UGT1A10: variants seen among roughly 807,000 people sequenced by gnomAD.
UGT1A10 encodes UDP glucuronosyltransferase family 1 member A10.
In UGT1A10, 49 loss-of-function variants were observed where a neutral mutation model predicts 45.8. That is an observed-to-expected ratio of 1.07 (90% confidence interval 0.85 to 1.36). The LOEUF (loss-of-function observed/expected upper bound fraction) is 1.36, where lower values mean the gene tolerates loss of function less well. Ranked by LOEUF, UGT1A10 falls within the 40% of genes most tolerant of loss-of-function variation. UGT1A10 has a pLI of 0.00. For missense variants in UGT1A10, 745 were observed against 668.6 expected, an observed-to-expected ratio of 1.11 and a Z score of -1.26; for synonymous variants, 284 against 249.7, an observed-to-expected ratio of 1.14 and a Z score of -1.29.
chr2:233,690,420 A>C (rs1433284612), intron 1 of UGT1A10: 1 of 1,233,876 alleles, frequency 8.1e-7, no homozygotes, highest in African/African-American at 1.6e-5. Flanking sequence ...AATTACCTTC[A>C]TGCACATCTT....
At chr2:233,701,460 C>A (rs1437947511) in intron 1 of UGT1A10, among the ~76,000 whole-genome samples, 1 of 151,910 alleles carries the variant, frequency 6.6e-6, no homozygotes, top group Admixed American at 6.6e-5. Context: ...ACAAGGATAC[C>A]CAGGAATTGA....
chr2:233,717,741 G>A (rs1450778461), intron 1 of UGT1A10: 3 of 456,402 alleles, frequency 6.6e-6, no homozygotes, highest in African/African-American at 6.0e-5. Flanking sequence ...TGAGTGCTCA[G>A]GGTCTCCCCC....
Position 233,768,428 on chromosome 2 carries a change from C to T in UGT1A10, c.1284C>T (p.Ile428=), listed in dbSNP as rs1559415864. The T allele has an allele frequency of 6.2e-7, 1 of 1,613,856 alleles. No homozygotes were observed. Among genetic ancestry groups the T allele is most frequent in the Non-Finnish European group, 8.5e-7 (1 of 1,179,916 alleles). ...TAGAAAATGCTCTAAAAGCAGTCATCAATGACAAAAGGTAAGAAAGAAGAT... is the reference window on the plus strand; with the variant it reads ...TAGAAAATGCTCTAAAAGCAGTCATTAATGACAAAAGGTAAGAAAGAAGAT... ...EDLENALKAV[I]NDKSYKENIM... is the part of the protein sequence containing the mutation. The change falls in exon 4 of 5, where the codon ATC becomes ATT. Residue 428 remains isoleucine, a synonymous_variant. Coordinates refer to ENST00000344644, the MANE Select transcript of UGT1A10 (RefSeq NM_019075.4).
chr2:233,721,852 T>C (rs2076975990), intron 1 of UGT1A10: 1 of 513,872 alleles, frequency 1.9e-6, no homozygotes, highest in African/African-American at 1.9e-5. Flanking sequence ...CCAGCCCCAC[T>C]GCTCGGCCCT....
At position 233,720,736 on chromosome 2, in the gene UGT1A10, C is replaced by T. The variant is rs186867201; in HGVS notation, c.856-46298C>T. 4.2e-3 allele frequency among the ~76,000 whole-genome samples: 630 copies of T among 148,874 alleles called. 11 individuals are homozygous for T. Among genetic ancestry groups the T allele is most frequent in the African/African-American group, 0.015 (595 of 40,300 alleles). ...TTTTTTTTTTCTTGAGACTGAGCCT[C>T]GTTCTGTCGCCCAGGCTGGAGGGCA... is the stretch of plus-strand genomic sequence containing the variant. On this transcript the variant is annotated intron_variant, in intron 1 of 4. Transcript: ENST00000344644.
chr2:233,726,536 A>G (rs956435699), intron 1 of UGT1A10, among the ~76,000 whole-genome samples: 1 of 152,196 alleles, frequency 6.6e-6, no homozygotes, highest in African/African-American at 2.4e-5. Flanking sequence ...AGGGAGATGC[A>G]GTGCAGCGTC....
rs757417206 is a variant in UGT1A10, at chr2:233,772,349, T to C, written c.1383T>C (p.Phe461=). Residue 461 remains phenylalanine (F), a synonymous_variant, in exon 5 of 5, where the codon TTT becomes TTC. Coordinates refer to ENST00000344644, the MANE Select transcript of UGT1A10 (RefSeq NM_019075.4). ...ACCTGGCCGTGTTCTGGGTGGAGTT[T>C]GTGATGAGGCACAAGGGCGCGCCAC... ...PLDLAVFWVE[F]VMRHKGAPHL... is the part of the protein sequence containing the mutation. 2 of 1,614,272 alleles carry C rather than the reference T, an allele frequency of 1.2e-6. No individual in the cohort carries two copies. The highest frequency in any genetic ancestry group is 1.7e-5 in the Admixed American group (1 of 60,034).
intron 1 of UGT1A10, among the ~76,000 whole-genome samples, chr2:233,758,781 G>C (rs1359978174): frequency 6.6e-6 from 1 of 152,186 alleles, no homozygotes; most frequent in African/African-American, 2.4e-5. Context: ...GTTGGGATCT[G>C]TGCAGTTATC....
chr2:233,637,375 A>AGACTCAGAGTC lies in UGT1A10; in HGVS notation c.853_854insGACTCAGAGTC (p.Met285ArgfsTer82), dbSNP rs1559318920. The stretch of plus-strand genomic sequence containing the variant: ...CTGTCATCAGGGAAAGCCATTGCCT[A>AGACTCAGAGTC]TGGTAAGTCACCTCTCCTTTAGCAC... On this transcript the variant is annotated frameshift_variant and splice_region_variant, in exon 1 of 5. Coordinates refer to ENST00000344644, the MANE Select transcript of UGT1A10 (RefSeq NM_019075.4). LOFTEE classifies it high-confidence loss of function. 5 of 1,611,812 alleles carry AGACTCAGAGTC rather than the reference A, an allele frequency of 3.1e-6. No individual in the cohort carries two copies. The African/African-American group carries it at 6.7e-5, about 22-fold the overall frequency.
At chr2:233,681,272 G>A (rs1186319334) in intron 1 of UGT1A10, among the ~76,000 whole-genome samples, 5 of 152,136 alleles carry the variant, frequency 3.3e-5, no homozygotes, top group South Asian at 2.1e-4. Flanking sequence ...AGTGGCTCAC[G>A]CCTGTAATCC....
At chr2:233,757,045 G>A (rs1250213092) in intron 1 of UGT1A10, among the ~76,000 whole-genome samples, 2 of 151,734 alleles carry the variant, frequency 1.3e-5, no homozygotes, top group Non-Finnish European at 2.9e-5. Flanking sequence ...ATCAAAGGAA[G>A]TTTGGGGAAC....
At chr2:233,666,895 C>A (rs1259232077) in intron 1 of UGT1A10, among the ~76,000 whole-genome samples, 8 of 150,138 alleles carry the variant, frequency 5.3e-5, no homozygotes, top group South Asian at 4.3e-4. Flanking sequence ...TGAGAACATG[C>A]GGTGTTTGGT....
At chr2:233,711,370 A>C (rs1322789825) in intron 1 of UGT1A10, among the ~76,000 whole-genome samples, 1 of 152,234 alleles carries the variant, frequency 6.6e-6, no homozygotes, top group Non-Finnish European at 1.5e-5. Flanking sequence ...GAATGTGGTG[A>C]GAGCACCCTC....
At chr2:233,649,179 G>A (rs1302645200) in intron 1 of UGT1A10, among the ~76,000 whole-genome samples, 3 of 152,062 alleles carry the variant, frequency 2.0e-5, no homozygotes, top group Non-Finnish European at 4.4e-5. Flanking sequence ...CGTGTTTGTT[G>A]GTTAGCAACT....
intron 1 of UGT1A10, chr2:233,743,217 C>G: frequency 2.4e-6 from 1 of 409,784 alleles, no homozygotes; most frequent in Non-Finnish European, 4.8e-6. Context: ...AGTAACTGCT[C>G]TTTGCTATTT....
chr2:233,742,052 G>C (rs146940550), intron 1 of UGT1A10: 14 of 152,060 alleles, frequency 9.2e-5, no homozygotes, highest in African/African-American at 3.4e-4. Context: ...CAATAGGATA[G>C]TTCTGTGTGG....
At chr2:233,747,619 C>T (rs988412052) in intron 1 of UGT1A10, 2 of 1,575,824 alleles carry the variant, frequency 1.3e-6, no homozygotes, top group Admixed American at 1.7e-5. Flanking sequence ...CATAATGAGG[C>T]CCTGATCAGG....
intron 1 of UGT1A10, among the ~76,000 whole-genome samples, chr2:233,723,536 T>TA (rs756280025): frequency 0.019 from 2,250 of 121,430 alleles, 100 homozygotes; most frequent in African/African-American, 0.052. Context: ...TTTTTTTTTT[T>TA]AATTTATTTT....
At chr2:233,737,753 A>G (rs151132399) in intron 1 of UGT1A10, among the ~76,000 whole-genome samples, 3 of 151,992 alleles carry the variant, frequency 2.0e-5, no homozygotes, top group East Asian at 1.9e-4. Context: ...CAGTTTTTCA[A>G]TGTGAACATA....
Sources: gnomAD v4.1 joint callset for allele counts (sites outside exome capture counted in the v4.1 genomes callset) on GRCh38, gnomAD v4.1.1 for gene constraint, MANE v1.5 for transcripts, NCBI Gene and HGNC (gene_info 2026-07-23, HGNC 2026-07-21) for gene names.